The following ZBTB11 variants were observed in gnomAD, a reference collection of about 807,000 sequenced individuals.
The protein encoded by ZBTB11 is zinc finger and BTB domain containing 11.
A neutral mutation model predicts 113.1 loss-of-function variants in ZBTB11; 68 were observed. The ratio of observed to expected loss-of-function variants is 0.60; its 90% confidence interval spans 0.49 to 0.74. The LOEUF is 0.74. ZBTB11 is among the 30% of genes least tolerant of loss of function. ZBTB11 has a pLI of 0.00. For missense variants in ZBTB11, 1,104 were observed against 1,279.4 expected (o/e 0.86, Z 2.09); for synonymous variants, 518 against 452.6 (o/e 1.14, Z -1.83).
In ZBTB11 at chr3:101,664,584, A is replaced by T. The variant is rs758850242; in HGVS notation, c.1754T>A (p.Ile585Lys). 6.2e-7 allele frequency: 1 copy of T among 1,612,666 alleles called. No individual in the cohort carries two copies. The highest frequency in any genetic ancestry group is 8.5e-7 in the Non-Finnish European group (1 of 1,179,638). Reference protein sequence around the residue: ...GMVFQRRYALIMHKLKHERAR... With the variant: ...GMVFQRRYALKMHKLKHERAR... ...TCTTTCATGTTTCAGTTTGTGCATT[A>T]TAAGGGCGTATCGTCTCTGAAAAAC... The change falls in exon 5 of 11, where the codon ATA becomes AAA. Residue 585 changes from isoleucine (I) to lysine (K), a missense_variant. By Grantham distance (102) the Ile-to-Lys change is moderately radical. Around this residue, in one of 5 missense-constraint regions of ZBTB11, gnomAD observed 535 missense variants for 518.6 expected, o/e 1.03. Transcript: ENST00000312938.
chr3:101,656,720 A>G (rs1259167499), intron 6 of ZBTB11, among the ~76,000 whole-genome samples: 1 of 152,172 alleles, frequency 6.6e-6, no homozygotes, highest in Non-Finnish European at 1.5e-5. Flanking sequence ...TGACGTGACA[A>G]TGCCAAATTG....
chr3:101,664,762 AT>A, intron 4 of ZBTB11, 48 bp from the exon 5 acceptor site: 2 of 1,527,626 alleles, frequency 1.3e-6, no homozygotes, highest in Non-Finnish European at 8.8e-7. Flanking sequence ...CTCAATTTTA[AT>A]TTTTAAAGTC....
intron 8 of ZBTB11, among the ~76,000 whole-genome samples, chr3:101,653,417 A>G (rs1936740200): frequency 6.6e-6 from 1 of 152,216 alleles, no homozygotes; most frequent in South Asian, 2.1e-4. Flanking sequence ...CCAGAAAAGA[A>G]GTTTGACAAT....
At position 101,656,162 on chromosome 3, in the gene ZBTB11, C is replaced by T. The variant is rs768412408; in HGVS notation, c.2133G>A (p.Leu711=). Residue 711 remains leucine (L), a synonymous_variant, in exon 7 of 11, where the codon CTG becomes CTA. Transcript: ENST00000312938. ...GTTTGGTAACAAATGACTTAACACA[C>T]AGTTCACACTGGAACTGCTTCTGTG... ...HQSQKQFQCE[L]CVKSFVTKRS... 6 of 1,600,304 alleles carry T rather than the reference C, an allele frequency of 3.7e-6. No individual in the cohort carries two copies. In the South Asian group the frequency reaches 6.7e-5, roughly 18 times the overall value.
rs542161299 is a variant in ZBTB11, at chr3:101,672,718, A to G, written c.311-505T>C. ...GGCAACAGACCAAGACTCTGTCTCA[A>G]AACAAAACCAAACAAATTAACAATT... On this transcript the variant is annotated intron_variant, in intron 1 of 10. Coordinates refer to ENST00000312938, the MANE Select transcript of ZBTB11 (RefSeq NM_014415.4). 1.8e-4 allele frequency among the ~76,000 whole-genome samples: 28 copies of G among 152,334 alleles called. 1 individual carries two copies. The highest frequency in any genetic ancestry group is 6.3e-4 in the African/African-American group (26 of 41,578).
chr3:101,661,624 T>C (rs957061015), intron 5 of ZBTB11, among the ~76,000 whole-genome samples: 2 of 152,254 alleles, frequency 1.3e-5, no homozygotes, highest in Non-Finnish European at 2.9e-5. Context: ...AAAGCCATTC[T>C]GATCCTTATC....
intron 5 of ZBTB11, among the ~76,000 whole-genome samples, chr3:101,663,591 G>C (rs1276195757): frequency 6.6e-6 from 1 of 152,036 alleles, no homozygotes; most frequent in Non-Finnish European, 1.5e-5. Flanking sequence ...CCTGGGACTT[G>C]AGTAAAGAAA....
In ZBTB11 at chr3:101,672,078, C is replaced by A. The variant is rs1937094789; in HGVS notation, c.446G>T (p.Ser149Ile). Reference protein sequence around the residue: ...LGLDLESGEESNESEDDLSNF... With the variant: ...LGLDLESGEEINESEDDLSNF... ...GCTCAGGTCATCTTCCGATTCATTA[C>A]TTTCTTCTCCAGATTCAAGGTCTAG... is the stretch of plus-strand genomic sequence containing the variant. Residue 149 changes from serine (S) to isoleucine (I), a missense_variant, in exon 2 of 11, where the codon AGT (serine) becomes ATT (isoleucine). Ser to Ile is a moderately radical substitution (Grantham distance 142). This residue lies in a region of ZBTB11 where 245 missense variants were observed against 272.5 expected (regional missense o/e 0.90). Transcript: ENST00000312938. The A allele has an allele frequency of 6.2e-7, 1 of 1,614,200 alleles. No homozygotes were observed. The highest frequency in any genetic ancestry group is 8.5e-7 in the Non-Finnish European group (1 of 1,180,026).
intron 5 of ZBTB11, among the ~76,000 whole-genome samples, chr3:101,660,564 A>G (rs1051771754): frequency 2.0e-5 from 3 of 152,106 alleles, no homozygotes; most frequent in African/African-American, 7.2e-5. Flanking sequence ...GTTATCTCTG[A>G]CTTTGTTTTT....
rs772310161 is a variant in ZBTB11, at chr3:101,659,958, G to A, written c.1871C>T (p.Ala624Val). 4 of 1,614,198 alleles carry A rather than the reference G, an allele frequency of 2.5e-6. No individual in the cohort carries two copies. In the South Asian group the frequency reaches 3.3e-5, roughly 13 times the overall value. ...AHLIRHTRKDAPSSSSSNSTS... is the reference protein window; with the variant it reads ...AHLIRHTRKDVPSSSSSNSTS... ...GGAATTGGACGAGGATGAAGAGGGT[G>A]CATCTTTTCTGGTATGACGAATAAG... is the stretch of plus-strand genomic sequence containing the variant. The change falls in exon 6 of 11, where the codon GCA (alanine) becomes GTA (valine). Residue 624 changes from alanine to valine, a missense_variant. By Grantham distance (64) the Ala-to-Val change is moderately conservative (BLOSUM62 0). Around this residue, in one of 5 missense-constraint regions of ZBTB11, gnomAD observed 535 missense variants for 518.6 expected, o/e 1.03. Transcript: ENST00000312938.
chr3:101,676,430 G>T, intron 1 of ZBTB11, 175 bp downstream of exon 1: 2 of 634,764 alleles, frequency 3.2e-6, no homozygotes, highest in Non-Finnish European at 4.8e-6. Context: ...CCTCCTTCCT[G>T]TGGGAAGTGC....
intron 1 of ZBTB11, among the ~76,000 whole-genome samples, chr3:101,675,723 C>T (rs1937155328): frequency 6.6e-6 from 1 of 152,216 alleles, no homozygotes; most frequent in African/African-American, 2.4e-5. Flanking sequence ...CGTACCTTTT[C>T]TGCGTATATA....
Position 101,665,561 on chromosome 3 carries a change from A to G in ZBTB11, c.1026T>C (p.Pro342=). The change falls in exon 4 of 11, where the codon CCT becomes CCC. Residue 342 remains proline (P), a synonymous_variant. Transcript: ENST00000312938. ...TGGTTCCCTCACTGCTAGCAACAGG[A>G]GGTGCTGTACCTCCATTCTGTACTC... The part of the protein sequence containing the change: ...DLRVQNGGTA[P]PVASSEGTTT... 1.2e-6 allele frequency: 2 copies of G among 1,614,200 alleles called. No individual in the cohort carries two copies. The highest frequency in any genetic ancestry group is 1.7e-6 in the Non-Finnish European group (2 of 1,180,042).
chr3:101,656,453 T>G (rs1467077499), intron 6 of ZBTB11, among the ~76,000 whole-genome samples: 2 of 152,144 alleles, frequency 1.3e-5, no homozygotes, highest in Non-Finnish European at 2.9e-5. Context: ...TATTGTTATC[T>G]TTCTTAAATC....
intron 1 of ZBTB11, among the ~76,000 whole-genome samples, chr3:101,673,680 A>G (rs187375114): frequency 7.9e-5 from 12 of 151,988 alleles, no homozygotes; most frequent in African/African-American, 2.9e-4. Context: ...CACCTGGCTA[A>G]TTTTTTGTAT....
chr3:101,649,656 G>A lies in ZBTB11; in HGVS notation c.*1510C>T, dbSNP rs894035677. On this transcript the variant is annotated 3_prime_UTR_variant, in exon 11 of 11. Coordinates refer to ENST00000312938, the MANE Select transcript of ZBTB11 (RefSeq NM_014415.4). ...AGTTATGGGCTGTATGTCAATTCACGTCTTAAAATTGAAAGTCAGCCACAC... is the reference window on the plus strand; with the variant it reads ...AGTTATGGGCTGTATGTCAATTCACATCTTAAAATTGAAAGTCAGCCACAC... 1 of 152,562 alleles carries A rather than the reference G, an allele frequency of 6.6e-6. No individual in the cohort carries two copies. Among genetic ancestry groups the A allele is most frequent in the African/African-American group, 2.4e-5 (1 of 41,448 alleles). 9.5% of individuals were successfully genotyped at this position (152,562 alleles called of 1,614,324 possible). A position where few individuals can be genotyped will look rare whatever the true frequency, so the allele number is the denominator to read the frequency against.
At chr3:101,672,508 G>A (rs922708685) in intron 1 of ZBTB11, among the ~76,000 whole-genome samples, 1 of 152,184 alleles carries the variant, frequency 6.6e-6, no homozygotes, top group Non-Finnish European at 1.5e-5. Flanking sequence ...ATGTTTTCAT[G>A]CAAGAGGAAC....
rs143922743 is a variant in ZBTB11 at position 101,672,142 on chromosome 3, G to A, written c.382C>T (p.Pro128Ser). 1 of 1,614,138 alleles carries A rather than the reference G, an allele frequency of 6.2e-7. No individual in the cohort carries two copies. Among genetic ancestry groups the A allele is most frequent in the African/African-American group, 1.3e-5 (1 of 75,056 alleles). ...KCQEKLDRSR[P>S]ISDVSEMLEE... is the part of the protein sequence containing the mutation. ...AACATTTCTGAAACATCTGATATTG[G>A]ACGGGATCGATCTAGTTTCTCCTGG... The change falls in exon 2 of 11, where the codon CCA becomes TCA. Residue 128 changes from proline (P) to serine (S), a missense_variant. Transcript: ENST00000312938.
rs979406667 is a variant in ZBTB11 at position 101,658,280 on chromosome 3, C to A, written c.2046+1503G>T. 1.1e-4 allele frequency among the ~76,000 whole-genome samples: 16 copies of A among 150,038 alleles called. No individual in the cohort carries two copies. In the East Asian group the frequency reaches 3.1e-3, roughly 29 times the overall value. ...TCACTCTGTCGCCCAGGCTAGAGTG[C>A]AGTGGTGCGGTCTCGGCTCACTGCA... On this transcript the variant is annotated intron_variant, in intron 6 of 10. Coordinates refer to ENST00000312938, the MANE Select transcript of ZBTB11 (RefSeq NM_014415.4).
Sources: allele counts gnomAD v4.1 joint callset (sites outside exome capture counted in the v4.1 genomes callset), GRCh38; gene constraint gnomAD v4.1.1; regional missense constraint gnomAD v4.1.1; transcripts MANE v1.5; gene names NCBI Gene and HGNC (gene_info 2026-07-23, HGNC 2026-07-21).